The following SLC25A48 variants were observed in gnomAD, a reference collection of about 807,000 sequenced individuals.
The protein encoded by SLC25A48 is solute carrier family 25 member 48, also known as CTC-321K16.1.
A neutral mutation model predicts 32.2 loss-of-function variants in SLC25A48; 29 were observed. The ratio of observed to expected loss-of-function variants is 0.90; its 90% CI spans 0.67 to 1.23. The LOEUF is 1.23. Among genes scored for constraint, SLC25A48 ranks in the 50% most tolerant of loss-of-function variants. The pLI is 0.00. For synonymous variants in SLC25A48, 164 were observed against 172.3 expected, an observed-to-expected ratio of 0.95 and a Z score of 0.38; for missense variants, 399 against 422.7, an observed-to-expected ratio of 0.94 and a Z score of 0.49.
At chr5:135,807,390 T>G (rs1757487872) in intron 3 of SLC25A48, among the ~76,000 whole-genome samples, 1 of 150,674 alleles carries the variant, frequency 6.6e-6, no homozygotes, top group Non-Finnish European at 1.5e-5. Flanking sequence ...ATTTAAAATA[T>G]TATGGATATT....
At chr5:135,847,994 G>A (rs957422578) in intron 2 of SLC25A48, among the ~76,000 whole-genome samples, 8 of 152,222 alleles carry the variant, frequency 5.3e-5, no homozygotes, top group African/African-American at 1.9e-4. Context: ...GTGGGATTTA[G>A]TGAGGTCAAT....
chr5:135,685,500 T>G (rs907067742), intron 3 of SLC25A48, among the ~76,000 whole-genome samples: 8 of 151,034 alleles, frequency 5.3e-5, no homozygotes, highest in Admixed American at 5.3e-4. Context: ...TGGTGCAATC[T>G]TGGCGCACTG....
At chr5:135,745,435 T>C (rs1755616687) in intron 3 of SLC25A48, among the ~76,000 whole-genome samples, 1 of 152,180 alleles carries the variant, frequency 6.6e-6, no homozygotes, top group African/African-American at 2.4e-5. Flanking sequence ...ATCACAAGCA[T>C]GTCACAGTGC....
At chr5:135,871,868 C>G (rs764135578) in intron 5 of SLC25A48, 150 bp downstream of exon 5, 2 of 1,511,426 alleles carry the variant, frequency 1.3e-6, no homozygotes, top group East Asian at 4.6e-5. Flanking sequence ...CTACTCTGTC[C>G]CCGGCCCTCT....
chr5:135,714,937 A>G, intron 3 of SLC25A48: 1 of 152,552 alleles, frequency 6.6e-6, no homozygotes, highest in Non-Finnish European at 1.5e-5. Context: ...GTGGGCAATG[A>G]CATGGAGAAA....
chr5:135,662,287 A>C (rs1282382275), intron 3 of SLC25A48, among the ~76,000 whole-genome samples: 1 of 152,144 alleles, frequency 6.6e-6, no homozygotes, highest in African/African-American at 2.4e-5. Flanking sequence ...TGCCTGGCTC[A>C]GCTCACCACT....
chr5:135,761,968 A>G (rs1475288698), intron 3 of SLC25A48, among the ~76,000 whole-genome samples: 1 of 152,192 alleles, frequency 6.6e-6, no homozygotes, highest in Non-Finnish European at 1.5e-5. Context: ...CTGGAAAGGG[A>G]CTGTGCTGCA....
At chr5:135,684,497 G>T (rs1289985926) in intron 3 of SLC25A48, among the ~76,000 whole-genome samples, 1 of 152,172 alleles carries the variant, frequency 6.6e-6, no homozygotes, top group Non-Finnish European at 1.5e-5. Context: ...GCCTCCACCA[G>T]CTCTGTGGGG....
intron 3 of SLC25A48, among the ~76,000 whole-genome samples, chr5:135,851,569 C>T (rs976713415): frequency 8.7e-5 from 13 of 149,406 alleles, no homozygotes; most frequent in African/African-American, 3.2e-4. Flanking sequence ...AGGGTGTGTT[C>T]ACGTGTGTGT....
At position 135,850,490 on chromosome 5, in the gene SLC25A48, G is replaced by A; in HGVS notation, c.156G>A (p.Arg52=). 1 of 1,613,996 alleles carries A rather than the reference G, an allele frequency of 6.2e-7. No homozygotes were observed. The highest frequency in any genetic ancestry group is 1.7e-5 in the Admixed American group (1 of 60,024). ...TLSCIRVVYR[R]ESMFGFFKGM... is the part of the protein sequence containing the mutation. ...GCTGCATCCGCGTGGTGTACAGGAG[G>A]GAGAGTGTAAGTGCCCCTTGGGCGG... Residue 52 remains arginine, a synonymous_variant, in exon 3 of 8, where the codon AGG becomes AGA. Coordinates refer to ENST00000681962, the MANE Select transcript of SLC25A48 (RefSeq NM_001349336.2).
At chr5:135,826,310 C>G (rs1025459850) in intron 4 of SLC25A48, 1 of 152,522 alleles carries the variant, frequency 6.6e-6, no homozygotes, top group Non-Finnish European at 1.5e-5. Context: ...CCACTCCACC[C>G]CCAGGAAGAG....
rs572931507 is a variant in SLC25A48, at chr5:135,671,335, G to C, written c.-521+36379G>C. Among the ~76,000 whole-genome samples the C allele has an allele frequency of 7.2e-5, 11 of 152,340 alleles. No homozygotes were observed. In the East Asian group the frequency reaches 2.1e-3, roughly 29 times the overall value. ...CCTTTATGTAGCAGGCTCTCTAGAA[G>C]GCTGGCCATGGTGCCCTTGGCTGAA... On this transcript the variant is annotated intron_variant, in intron 3 of 10. Transcript: ENST00000646290.
chr5:135,796,186 G>C (rs1757169669), intron 3 of SLC25A48, among the ~76,000 whole-genome samples: 1 of 151,700 alleles, frequency 6.6e-6, no homozygotes, highest in Non-Finnish European at 1.5e-5. Flanking sequence ...TCAGCCCCCT[G>C]TGATATGGTT....
At chr5:135,834,291 C>T (rs186667523), upstream of SLC25A48, among the ~76,000 whole-genome samples, 57 of 152,332 alleles carry the variant, frequency 3.7e-4, no homozygotes, top group Admixed American at 1.9e-3. Flanking sequence ...CCCTGAACCA[C>T]CAGGTGCCTG....
intron 3 of SLC25A48, among the ~76,000 whole-genome samples, chr5:135,670,862 T>C (rs1456036563): frequency 6.6e-6 from 1 of 152,216 alleles, no homozygotes; most frequent in African/African-American, 2.4e-5. Context: ...CATTGTCTCA[T>C]ACTAATGAAT....
At chr5:135,850,356 G>A in intron 2 of SLC25A48, 69 bp from the exon 3 acceptor site, 1 of 1,505,346 alleles carries the variant, frequency 6.6e-7, no homozygotes, top group Non-Finnish European at 9.2e-7. Context: ...CTTTCCCTCT[G>A]GGCATCTCCG....
intron 4 of SLC25A48, among the ~76,000 whole-genome samples, chr5:135,813,830 G>A (rs148954795): frequency 5.4e-4 from 82 of 152,280 alleles, no homozygotes; most frequent in Non-Finnish European, 9.0e-4. Flanking sequence ...AGGGTGCTGC[G>A]CTGAGTGCAG....
At chr5:135,610,510 C>G (rs184705656) in intron 1 of SLC25A48, among the ~76,000 whole-genome samples, 1 of 152,118 alleles carries the variant, frequency 6.6e-6, no homozygotes, top group Non-Finnish European at 1.5e-5. Context: ...CATGTCCTTT[C>G]CAGGGTAGTG....
chr5:135,856,265 G>A (rs542209439), intron 4 of SLC25A48, among the ~76,000 whole-genome samples: 1 of 152,296 alleles, frequency 6.6e-6, no homozygotes, highest in Admixed American at 6.5e-5. Flanking sequence ...TGGACCCAGA[G>A]TCCTTTCCTG....
Sources: allele counts gnomAD v4.1 joint callset (sites outside exome capture counted in the v4.1 genomes callset), GRCh38; gene constraint gnomAD v4.1.1; transcripts MANE v1.5; gene names NCBI Gene and HGNC (gene_info 2026-07-23, HGNC 2026-07-21).